PALLD: variants seen among roughly 807,000 people sequenced by gnomAD.
The protein encoded by PALLD is palladin.
A neutral mutation model predicts 123.5 loss-of-function variants in PALLD; 61 were observed. The observed-to-expected ratio is 0.49, with a 90% CI of 0.40 to 0.61. PALLD has a LOEUF of 0.61. Among genes scored for constraint, PALLD ranks in the 20% least tolerant of loss-of-function variants. The probability of loss-of-function intolerance (pLI) is 0.00; values close to 1 mark genes in which losing one functional copy is unlikely to be tolerated. For synonymous variants in PALLD, 465 were observed against 496.4 expected, an observed-to-expected ratio of 0.94 and a Z score of 0.84; for missense variants, 1,273 against 1,377.0, an observed-to-expected ratio of 0.92 and a Z score of 1.20.
At chr4:168,532,374 A>G (rs527731895) in intron 2 of PALLD, among the ~76,000 whole-genome samples, 3 of 152,234 alleles carry the variant, frequency 2.0e-5, no homozygotes, top group African/African-American at 4.8e-5. Context: ...ATTCATAAAC[A>G]TAATCTAACT....
At chr4:168,874,260 G>A (rs1374191811) in intron 10 of PALLD, among the ~76,000 whole-genome samples, 1 of 152,108 alleles carries the variant, frequency 6.6e-6, no homozygotes, top group East Asian at 1.9e-4. Context: ...TCTGCCACTT[G>A]GGACAGTGTT....
chr4:168,842,985 G>A lies in PALLD; in HGVS notation c.1965-47937G>A, dbSNP rs556726298. Among the ~76,000 whole-genome samples the A allele has an allele frequency of 1.1e-4, 17 of 152,268 alleles. No homozygotes were observed. The South Asian group carries it at 2.3e-3, about 20-fold the overall frequency. ...CGTTACCCAAAAAATGATGATAGAC[G>A]GGGGTCCCACAAATGTGTAGTTGTG... On this transcript the variant is annotated intron_variant, in intron 10 of 21. Coordinates refer to ENST00000505667, the MANE Select transcript of PALLD (RefSeq NM_001166108.2).
intron 10 of PALLD, among the ~76,000 whole-genome samples, chr4:168,736,929 T>G (rs1402889398): frequency 1.3e-5 from 2 of 152,186 alleles, no homozygotes; most frequent in Non-Finnish European, 2.9e-5. Flanking sequence ...GTTTAAAATA[T>G]TCAAAGATAG....
chr4:168,687,503 GT>G (rs1168469807), intron 6 of PALLD, among the ~76,000 whole-genome samples: 1 of 152,200 alleles, frequency 6.6e-6, no homozygotes, highest in Non-Finnish European at 1.5e-5. Context: ...CAATGTATTG[GT>G]ATCCAAGACA....
intron 2 of PALLD, among the ~76,000 whole-genome samples, chr4:168,639,701 G>A (rs1443811053): frequency 2.7e-5 from 4 of 150,232 alleles, no homozygotes; most frequent in East Asian, 2.0e-4. Flanking sequence ...CCACTACCAC[G>A]CCCAGCTAAT....
chr4:168,897,588 AG>A (rs1298129116), intron 13 of PALLD, among the ~76,000 whole-genome samples: 1 of 152,094 alleles, frequency 6.6e-6, no homozygotes, highest in Non-Finnish European at 1.5e-5. Context: ...CTGGGACAAC[AG>A]GCATGTACCA....
At chr4:168,626,189 A>G (rs991646802) in intron 2 of PALLD, among the ~76,000 whole-genome samples, 25 of 151,810 alleles carry the variant, frequency 1.6e-4, no homozygotes, top group Middle Eastern at 3.4e-3. Flanking sequence ...TCACGAGGTC[A>G]GGAGATCGAG....
chr4:168,816,413 A>T (rs201130666), intron 10 of PALLD, among the ~76,000 whole-genome samples: 31,787 of 135,796 alleles, frequency 0.23, 4,330 homozygotes, highest in African/African-American at 0.41. Context: ...ATATATATAT[A>T]TTTTTTTTAA....
intron 10 of PALLD, among the ~76,000 whole-genome samples, chr4:168,741,357 G>A (rs1337007297): frequency 1.3e-5 from 2 of 152,056 alleles, no homozygotes; most frequent in Admixed American, 1.3e-4. Context: ...TTGTGTGTGT[G>A]TGTGTGTGTG....
intron 2 of PALLD, among the ~76,000 whole-genome samples, chr4:168,551,100 A>T (rs1178924844): frequency 6.6e-6 from 1 of 152,216 alleles, no homozygotes; most frequent in East Asian, 1.9e-4. Context: ...ACTTATTACA[A>T]ATCACAGAAA....
At chr4:168,600,002 C>CATACATACATACAT (rs1561290675) in intron 2 of PALLD, among the ~76,000 whole-genome samples, 67 of 133,944 alleles carry the variant, frequency 5.0e-4, no homozygotes, top group Admixed American at 2.2e-3. Flanking sequence ...TATACACACA[C>CATACATACATACAT]GTATATACAT....
chr4:168,910,604 A>T (rs1463907577), intron 15 of PALLD, among the ~76,000 whole-genome samples: 1 of 152,190 alleles, frequency 6.6e-6, no homozygotes. Context: ...TTCATGCAAA[A>T]CACAATGCTG....
intron 2 of PALLD, among the ~76,000 whole-genome samples, chr4:168,612,806 AG>A (rs1417498126): frequency 6.6e-6 from 1 of 152,200 alleles, no homozygotes; most frequent in Non-Finnish European, 1.5e-5. Context: ...ATCTTCTCCC[AG>A]GGTCCTGGAG....
intron 10 of PALLD, among the ~76,000 whole-genome samples, chr4:168,889,156 G>GTGTGTGTGTGTC (rs1355989762): frequency 6.8e-6 from 1 of 147,806 alleles, no homozygotes; most frequent in Non-Finnish European, 1.5e-5. Context: ...GTGTGTGTGT[G>GTGTGTGTGTGTC]TGTGTGTGTG....
intron 2 of PALLD, among the ~76,000 whole-genome samples, chr4:168,626,244 CA>C (rs1292467320): frequency 6.6e-6 from 1 of 151,536 alleles, no homozygotes; most frequent in African/African-American, 2.4e-5. Context: ...ACTAAAAATA[CA>C]AAAGAAATTA....
At chr4:168,876,056 A>G (rs535295724) in intron 10 of PALLD, among the ~76,000 whole-genome samples, 40 of 152,334 alleles carry the variant, frequency 2.6e-4, no homozygotes, top group African/African-American at 9.4e-4. Context: ...GCCTTTGAGG[A>G]GAGCCACACA....
chr4:168,759,240 T>TATATAG (rs1285170992), intron 10 of PALLD, among the ~76,000 whole-genome samples: 1 of 113,972 alleles, frequency 8.8e-6, no homozygotes, highest in African/African-American at 3.7e-5. Flanking sequence ...TATATATATA[T>TATATAG]ATATAGAAAC....
At chr4:168,753,333 C>G (rs1019262089) in intron 10 of PALLD, among the ~76,000 whole-genome samples, 1 of 151,908 alleles carries the variant, frequency 6.6e-6, no homozygotes, top group South Asian at 2.1e-4. Context: ...AACCTTCTTC[C>G]CTCCCTCCTT....
chr4:168,587,867 C>G (rs998823545), intron 2 of PALLD, among the ~76,000 whole-genome samples: 3 of 152,040 alleles, frequency 2.0e-5, no homozygotes, highest in African/African-American at 4.8e-5. Context: ...GTGGAGCGCT[C>G]TTCAGGGGGG....
Sources: allele counts gnomAD v4.1 joint callset (sites outside exome capture counted in the v4.1 genomes callset), GRCh38; gene constraint gnomAD v4.1.1; transcripts MANE v1.5; gene names NCBI Gene and HGNC (gene_info 2026-07-23, HGNC 2026-07-21).